The following HBS1L variants were observed in gnomAD, a reference collection of about 807,000 sequenced individuals.
The protein encoded by HBS1L is HBS1 like translational GTPase.
In HBS1L, 55 loss-of-function variants were observed where a neutral mutation model predicts 88.9. The observed-to-expected ratio is 0.62, with a 90% CI of 0.50 to 0.77. HBS1L has a LOEUF of 0.77. Among genes scored for constraint, HBS1L ranks in the 30% least tolerant of loss-of-function variants. The pLI is 0.00. For missense variants in HBS1L, 741 were observed against 829.3 expected, an observed-to-expected ratio of 0.89 and a Z score of 1.31; for synonymous variants, 267 against 288.5, an observed-to-expected ratio of 0.93 and a Z score of 0.76.
At chr6:135,039,474 A>C in intron 4 of HBS1L, 99 bp downstream of exon 4, 1 of 977,356 alleles carries the variant, frequency 1.0e-6, no homozygotes, top group Non-Finnish European at 1.6e-6. Flanking sequence ...TTAATAGCTC[A>C]AGCAAATTAA....
chr6:134,997,734 T>C (rs903372819), intron 5 of HBS1L, 78 bp from the exon 6 acceptor site: 4 of 1,319,016 alleles, frequency 3.0e-6, no homozygotes, highest in Admixed American at 1.7e-5. Flanking sequence ...GCAGAGAAAC[T>C]GTTTCTTCAT....
chr6:135,035,020 G>A (rs1776491442), intron 4 of HBS1L, among the ~76,000 whole-genome samples: 1 of 152,144 alleles, frequency 6.6e-6, no homozygotes, highest in African/African-American at 2.4e-5. Flanking sequence ...GAGAACCACT[G>A]CTTTAAGGGA....
In HBS1L at chr6:134,965,281, ATT is replaced by A; in HGVS notation, c.2051_2052del (p.Glu684ValfsTer53). On this transcript the variant is annotated frameshift_variant, in exon 18 of 18. Coordinates refer to ENST00000367837, the MANE Select transcript of HBS1L (RefSeq NM_006620.4). LOFTEE classifies it high-confidence loss of function. Reference sequence around the variant, plus strand: ...AACGTGGTAGAAATTCTGACCCATCATTCTTTTATCTGTTAAAACAAAAAAAA... The same window carrying A: ...AACGTGGTAGAAATTCTGACCCATCACTTTTATCTGTTAAAACAAAAAAAA... ...IAAGVVTEIK[E>X] 1 of 1,568,650 alleles carries A rather than the reference ATT, an allele frequency of 6.4e-7. No individual in the cohort carries two copies. The highest frequency in any genetic ancestry group is 8.7e-7 in the Non-Finnish European group (1 of 1,145,342).
Position 135,042,096 on chromosome 6 carries a change from T to C in HBS1L, c.140A>G (p.Lys47Arg). ...AAQFIYSRRD[K>R]PSVEPVEEYD... ...TTCTTCCACAGGCTCAACGGAAGGT[T>C]TGTCACGCCGTGAATAAATAAACTG... Residue 47 changes from lysine to arginine, a missense_variant, in exon 3 of 18, where the codon AAA becomes AGA. This residue lies in a region of HBS1L where 556 missense variants were observed against 598.4 expected (regional missense o/e 0.93). Coordinates refer to ENST00000367837, the MANE Select transcript of HBS1L (RefSeq NM_006620.4). The C allele has an allele frequency of 6.2e-7, 1 of 1,613,262 alleles. No individual in the cohort carries two copies. Among genetic ancestry groups the C allele is most frequent in the South Asian group, 1.1e-5 (1 of 91,010 alleles).
At chr6:135,044,253 G>C (rs1776841078) in intron 2 of HBS1L, among the ~76,000 whole-genome samples, 1 of 152,112 alleles carries the variant, frequency 6.6e-6, no homozygotes. Flanking sequence ...TTTTTATTAA[G>C]ATAATTATTT....
At chr6:135,004,607 C>T (rs953080344) in intron 4 of HBS1L, among the ~76,000 whole-genome samples, 2 of 151,612 alleles carry the variant, frequency 1.3e-5, no homozygotes, top group Admixed American at 6.6e-5. Context: ...CTTGCTCTAA[C>T]GGAGGCGGAA....
In HBS1L at chr6:134,999,448, CTTT is replaced by C. The variant is rs35807723; in HGVS notation, c.540-1795_540-1793del. The stretch of plus-strand genomic sequence containing the variant: ...TCATTTAAGTAAATCTTTTTCTTTT[CTTT>C]TTTTTTTTTTTTTTGAGATGGAGTC... On this transcript the variant is annotated intron_variant, in intron 5 of 17. Coordinates refer to ENST00000367837, the MANE Select transcript of HBS1L (RefSeq NM_006620.4). Among the ~76,000 whole-genome samples the C allele has an allele frequency of 3.0e-3, 376 of 124,742 alleles. 1 individual carries two copies. Among genetic ancestry groups the C allele is most frequent in the African/African-American group, 0.011 (363 of 33,874 alleles). The allele number at this position is 124,742 out of a possible 152,430, so 81.8% of individuals were successfully genotyped here.
intron 8 of HBS1L, 144 bp downstream of exon 8, chr6:134,993,614 C>A: frequency 2.4e-6 from 1 of 419,166 alleles, no homozygotes; most frequent in South Asian, 1.0e-4. Context: ...TACAATATTG[C>A]TCTTTTTGTT....
intron 4 of HBS1L, among the ~76,000 whole-genome samples, chr6:135,025,271 G>A (rs1776195614): frequency 6.6e-6 from 1 of 152,176 alleles, no homozygotes; most frequent in Non-Finnish European, 1.5e-5. Context: ...ACAGAAATGT[G>A]GATCAAACTG....
intron 2 of HBS1L, among the ~76,000 whole-genome samples, chr6:135,044,382 G>A (rs887416521): frequency 6.6e-6 from 1 of 152,102 alleles, no homozygotes; most frequent in African/African-American, 2.4e-5. Flanking sequence ...GTTATGTTGT[G>A]TATGTATGTA....
chr6:134,985,265 T>G (rs1774944695), intron 12 of HBS1L, 76 bp downstream of exon 12: 1 of 851,882 alleles, frequency 1.2e-6, no homozygotes, highest in Non-Finnish European at 1.8e-6. Context: ...TGTCATAACT[T>G]AGTCCAGGAA....
At chr6:134,995,847 C>A (rs1441723367) in intron 7 of HBS1L, among the ~76,000 whole-genome samples, 2 of 151,968 alleles carry the variant, frequency 1.3e-5, no homozygotes, top group Non-Finnish European at 2.9e-5. Context: ...GAAAGAGAAA[C>A]CATTATGATA....
chr6:134,989,570 A>G (rs914668980), intron 8 of HBS1L, among the ~76,000 whole-genome samples: 3 of 152,192 alleles, frequency 2.0e-5, no homozygotes, highest in Admixed American at 6.5e-5. Context: ...CCTCACCATA[A>G]TGGAAAATAA....
In HBS1L at chr6:134,971,075, T is replaced by C. The variant is rs574541971; in HGVS notation, c.1798-1737A>G. Among the ~76,000 whole-genome samples the C allele has an allele frequency of 2.7e-5, 4 of 149,982 alleles. No individual in the cohort carries two copies. The South Asian group carries it at 6.4e-4, about 24-fold the overall frequency. ...GCTGTAGATGTACAATCTTAGACTT[T>C]GGGAACTTTCTAAACCAACTCATTC... On this transcript the variant is annotated intron_variant, in intron 15 of 17. Coordinates refer to ENST00000367837, the MANE Select transcript of HBS1L (RefSeq NM_006620.4).
chr6:135,011,451 T>G (rs969388562), intron 4 of HBS1L, among the ~76,000 whole-genome samples: 6 of 152,092 alleles, frequency 3.9e-5, no homozygotes, highest in Non-Finnish European at 7.4e-5. Context: ...GCCCTGGAGT[T>G]TGAGGCTGCT....
At chr6:135,031,367 G>A (rs563100890) in intron 4 of HBS1L, among the ~76,000 whole-genome samples, 28 of 152,140 alleles carry the variant, frequency 1.8e-4, no homozygotes, top group African/African-American at 6.5e-4. Context: ...TTCAGTGTTC[G>A]TAGTGACTAT....
rs183323195 is a variant in HBS1L, at chr6:134,984,837, G to A, written c.1492+504C>T. Among the ~76,000 whole-genome samples the A allele has an allele frequency of 2.2e-3, 329 of 152,094 alleles. 1 individual carries two copies. Among genetic ancestry groups the A allele is most frequent in the African/African-American group, 6.7e-3 (280 of 41,492 alleles). ...ATCTTTTAGTTGCATTTTTATCATA[G>A]TTAATAATTCTTTATATTACATTTC... On this transcript the variant is annotated intron_variant, in intron 12 of 17. Transcript: ENST00000367837.
intron 4 of HBS1L, among the ~76,000 whole-genome samples, chr6:135,015,961 T>A (rs1254923649): frequency 6.7e-6 from 1 of 148,870 alleles, no homozygotes. Context: ...CTCAGCTCAC[T>A]GCAACCTCCG....
chr6:135,045,547 T>C (rs1368531508), intron 2 of HBS1L, among the ~76,000 whole-genome samples: 1 of 152,158 alleles, frequency 6.6e-6, no homozygotes, highest in African/African-American at 2.4e-5. Context: ...TTCTTAAGAA[T>C]TATTCTGGCC....
Sources: gnomAD v4.1 joint callset for allele counts (sites outside exome capture counted in the v4.1 genomes callset) on GRCh38, gnomAD v4.1.1 for gene constraint, gnomAD v4.1.1 regional missense constraint, MANE v1.5 for transcripts, NCBI Gene and HGNC (gene_info 2026-07-23, HGNC 2026-07-21) for gene names.